The following TMEM156 variants were observed in gnomAD, a reference collection of about 807,000 sequenced individuals.
The protein encoded by TMEM156 is transmembrane protein 156.
In TMEM156, 28 loss-of-function variants were observed where a neutral mutation model predicts 30.5. That is an observed-to-expected ratio of 0.92 (90% confidence interval 0.68 to 1.26). The LOEUF is 1.26. TMEM156 is among the 50% of genes most tolerant of loss of function. The pLI is 0.00. For missense variants in TMEM156, 351 were observed against 340.6 expected, an observed-to-expected ratio of 1.03 and a Z score of -0.24; for synonymous variants, 137 against 119.9, an observed-to-expected ratio of 1.14 and a Z score of -0.93.
At chr4:38,983,264 C>T (rs1275092747) in intron 5 of TMEM156, among the ~76,000 whole-genome samples, 1 of 152,162 alleles carries the variant, frequency 6.6e-6, no homozygotes, top group Non-Finnish European at 1.5e-5. Context: ...AACAAATGTC[C>T]TCTCTGCAGT....
Position 38,993,981 on chromosome 4 carries a change from A to G in TMEM156, c.376T>C (p.Ser126Pro). The G allele has an allele frequency of 6.8e-6, 11 of 1,613,538 alleles. No individual in the cohort carries two copies. The highest frequency in any genetic ancestry group is 9.3e-6 in the Non-Finnish European group (11 of 1,179,494). ...AAATCATTTGCTTTCACTTCCATTG[A>G]TCCTCTCCTGATAAGAACTAGAAAG... ...QTSKVLIRRG[S>P]MEVKANDFHS... Residue 126 changes from serine (S) to proline (P), a missense_variant, in exon 3 of 7, where the codon TCA (serine) becomes CCA (proline). Coordinates refer to ENST00000381938, the MANE Select transcript of TMEM156 (RefSeq NM_024943.3).
At chr4:39,001,055 A>C (rs1200969811) in intron 1 of TMEM156, among the ~76,000 whole-genome samples, 8 of 152,064 alleles carry the variant, frequency 5.3e-5, no homozygotes, top group African/African-American at 1.9e-4. Flanking sequence ...TCAACTAAGG[A>C]ATAGGCAACC....
intron 1 of TMEM156, among the ~76,000 whole-genome samples, chr4:39,002,303 T>G (rs993806124): frequency 6.6e-6 from 1 of 152,138 alleles, no homozygotes. Context: ...TCAATGGCCA[T>G]CAGAGAAATG....
rs113211335 is a variant in TMEM156 at position 38,971,008 on chromosome 4, C to A, written c.*38+24G>T. ...TTATCTGTGTTTATAATGAAGAAGT[C>A]GATAAAGCCGAATCATCACTCACCG... On this transcript the variant is annotated intron_variant, in intron 6 of 6. Transcript: ENST00000381938. The A allele has an allele frequency of 4.2e-6, 6 of 1,444,974 alleles. No individual in the cohort carries two copies. The African/African-American group carries it at 8.5e-5, about 20-fold the overall frequency. 89.5% of individuals were successfully genotyped at this position (1,444,974 alleles called of 1,614,324 possible). A position where few individuals can be genotyped will look rare whatever the true frequency, so the allele number is the denominator to read the frequency against.
chr4:39,002,819 G>A (rs1713464281), intron 1 of TMEM156, among the ~76,000 whole-genome samples: 1 of 151,314 alleles, frequency 6.6e-6, no homozygotes, highest in African/African-American at 2.4e-5. Flanking sequence ...TCACTCATAG[G>A]TGGGAATTGA....
At chr4:38,998,574 G>A (rs546310748) in intron 2 of TMEM156, 66 bp downstream of exon 2, 26 of 1,389,152 alleles carry the variant, frequency 1.9e-5, no homozygotes, top group Admixed American at 1.4e-4. Flanking sequence ...TTATTAATAC[G>A]TTTTTAACAG....
chr4:39,031,277 C>G (rs1357420928), intron 1 of TMEM156, among the ~76,000 whole-genome samples: 1 of 152,176 alleles, frequency 6.6e-6, no homozygotes, highest in Non-Finnish European at 1.5e-5. Flanking sequence ...TTGCTAACAT[C>G]AAAATAGTTT....
chr4:38,970,146 T>TTGTGTGTG (rs71641397), intron 6 of TMEM156, among the ~76,000 whole-genome samples: 1 of 149,088 alleles, frequency 6.7e-6, no homozygotes. Flanking sequence ...GTGTGTGTGT[T>TTGTGTGTG]TGTGTGTGTG....
At chr4:38,989,493 G>C (rs1306289569) in intron 3 of TMEM156, among the ~76,000 whole-genome samples, 1 of 152,216 alleles carries the variant, frequency 6.6e-6, no homozygotes, top group Non-Finnish European at 1.5e-5. Flanking sequence ...AGGGTAATAG[G>C]CGGTAAGTAC....
At chr4:38,992,916 C>A (rs1260780349) in intron 3 of TMEM156, among the ~76,000 whole-genome samples, 1 of 150,482 alleles carries the variant, frequency 6.6e-6, no homozygotes, top group Non-Finnish European at 1.5e-5. Context: ...CAAATGCCAC[C>A]ACACCCAGCT....
intron 5 of TMEM156, among the ~76,000 whole-genome samples, chr4:38,984,999 G>T (rs1711875537): frequency 6.6e-6 from 1 of 152,104 alleles, no homozygotes; most frequent in Non-Finnish European, 1.5e-5. Context: ...TGGGTTGACG[G>T]GGGAACTATA....
At chr4:39,017,311 A>T (rs1714564220) in intron 1 of TMEM156, among the ~76,000 whole-genome samples, 1 of 149,998 alleles carries the variant, frequency 6.7e-6, no homozygotes, top group Non-Finnish European at 1.5e-5. Flanking sequence ...AGTAGCTGGG[A>T]CTACAGGTGC....
chr4:39,029,438 G>A (rs1715390089), intron 1 of TMEM156, among the ~76,000 whole-genome samples: 2 of 151,668 alleles, frequency 1.3e-5, no homozygotes, highest in Admixed American at 1.3e-4. Flanking sequence ...CATTTCATAG[G>A]TCAACTATTA....
intron 5 of TMEM156, among the ~76,000 whole-genome samples, chr4:38,975,674 G>A (rs935403764): frequency 1.3e-5 from 2 of 152,136 alleles, no homozygotes; most frequent in Admixed American, 6.5e-5. Context: ...ACTGCGCCTG[G>A]CCTGTGATTT....
chr4:39,018,649 T>C (rs1156718045), intron 1 of TMEM156, among the ~76,000 whole-genome samples: 1 of 152,230 alleles, frequency 6.6e-6, no homozygotes, highest in East Asian at 1.9e-4. Context: ...ATTTTCATTG[T>C]TGTTTTCAAG....
At chr4:38,976,045 G>A (rs752006287) in intron 5 of TMEM156, among the ~76,000 whole-genome samples, 15 of 151,992 alleles carry the variant, frequency 9.9e-5, no homozygotes, top group South Asian at 2.1e-4. Context: ...CCAGCACTTC[G>A]GGAGGCCAAG....
At chr4:38,994,057 A>G (rs1405969749) in intron 2 of TMEM156, 59 bp from the exon 3 acceptor site, 1 of 1,443,286 alleles carries the variant, frequency 6.9e-7, no homozygotes, top group Non-Finnish European at 9.6e-7. Flanking sequence ...AAGAAAACAC[A>G]TACAATTCAA....
chr4:39,003,523 G>A (rs778106186), intron 1 of TMEM156, among the ~76,000 whole-genome samples: 3 of 151,982 alleles, frequency 2.0e-5, no homozygotes, highest in African/African-American at 4.8e-5. Context: ...TAGTGGAGAC[G>A]GGGTTTCTTC....
intron 1 of TMEM156, among the ~76,000 whole-genome samples, chr4:39,020,834 C>T (rs1714818525): frequency 1.3e-5 from 2 of 152,126 alleles, no homozygotes; most frequent in Admixed American, 1.3e-4. Flanking sequence ...AGGTGTGAGC[C>T]ACCGCACCCA....
Sources: gnomAD v4.1 joint callset for allele counts (sites outside exome capture counted in the v4.1 genomes callset) on GRCh38, gnomAD v4.1.1 for gene constraint, MANE v1.5 for transcripts, NCBI Gene and HGNC (gene_info 2026-07-23, HGNC 2026-07-21) for gene names.